ABCA4: variants seen among roughly 807,000 people sequenced by gnomAD.
ABCA4 encodes the protein ATP binding cassette subfamily A member 4, also known as retinal-specific phospholipid-transporting ATPase ABCA4.
ABCA4 carries 196 observed loss-of-function variants against 263.7 expected under a neutral mutation model. That is an observed-to-expected ratio of 0.74 (90% confidence interval 0.66 to 0.84). ABCA4 has a LOEUF of 0.84. Among genes scored for constraint, ABCA4 ranks in the 40% least tolerant of loss-of-function variants. The pLI is 0.00. For missense variants in ABCA4, 2,792 were observed against 2,855.1 expected (o/e 0.98, Z 0.50); for synonymous variants, 1,133 against 1,094.2 (o/e 1.04, Z -0.70).
In ABCA4 at chr1:94,019,806, A is replaced by G. The variant is rs762470415; in HGVS notation, c.5019-47T>C. 1.3e-5 allele frequency: 20 copies of G among 1,577,538 alleles called. No homozygotes were observed. The South Asian group carries it at 2.3e-4, about 18-fold the overall frequency. ...AGGGAGAGGGCGATGAAGAGGGAAG[A>G]GCAGAAGGAGGAGAAGATACAAAGT... On this transcript the variant is annotated intron_variant, in intron 35 of 49. Coordinates refer to ENST00000370225, the MANE Select transcript of ABCA4 (RefSeq NM_000350.3).
Position 94,037,343 on chromosome 1 carries a change from T to C in ABCA4, c.3615A>G (p.Val1205=). Residue 1205 remains valine, a synonymous_variant, in exon 25 of 50, where the codon GTA becomes GTG. Coordinates refer to ENST00000370225, the MANE Select transcript of ABCA4 (RefSeq NM_000350.3). ...LTPEQVLDGD[V]NELMDVVLHH... Reference sequence around the variant, plus strand: ...GGAGAACTACATCCATCAGCTCATTTACATCCCCTAGGACAAGAAAAAAGA... The same window carrying C: ...GGAGAACTACATCCATCAGCTCATTCACATCCCCTAGGACAAGAAAAAAGA... 1 of 1,614,138 alleles carries C rather than the reference T, an allele frequency of 6.2e-7. No homozygotes were observed. The highest frequency in any genetic ancestry group is 8.5e-7 in the Non-Finnish European group (1 of 1,180,032).
At chr1:94,072,986 G>C (rs765052823) in intron 11 of ABCA4, among the ~76,000 whole-genome samples, 1 of 152,062 alleles carries the variant, frequency 6.6e-6, no homozygotes, top group Admixed American at 6.5e-5. Flanking sequence ...TCCTGGGAGG[G>C]GCCTGTACTC....
At chr1:94,019,536 C>A in intron 36 of ABCA4, 46 bp downstream of exon 36, 1 of 1,552,716 alleles carries the variant, frequency 6.4e-7, no homozygotes, top group South Asian at 1.2e-5. Context: ...ACAAGCTCCA[C>A]CTTGGGCCCA....
Position 93,998,123 on chromosome 1 carries a change from CACAGTGCAGG to C in ABCA4, c.6480-23_6480-14del. On this transcript the variant is annotated splice_polypyrimidine_tract_variant and intron_variant, in intron 47 of 49. Coordinates refer to ENST00000370225, the MANE Select transcript of ABCA4 (RefSeq NM_000350.3). ...GCCATCTCCAAATCTAGGGGATGCA[CACAGTGCAGG>C]ACAGGCCTCTGTTAGTGGTTGGGCC... 6.2e-7 allele frequency: 1 copy of C among 1,614,098 alleles called. No homozygotes were observed. Among genetic ancestry groups the C allele is most frequent in the African/African-American group, 1.3e-5 (1 of 75,050 alleles).
chr1:94,042,621 C>T lies in ABCA4; in HGVS notation c.3328+140G>A, dbSNP rs1172401446. 4 of 1,209,612 alleles carry T rather than the reference C, an allele frequency of 3.3e-6. No homozygotes were observed. The East Asian group carries it at 1.0e-4, about 30-fold the overall frequency. The allele number at this position is 1,209,612 out of a possible 1,614,324, so 74.9% of individuals were successfully genotyped here. A position where few individuals can be genotyped will look rare whatever the true frequency, so the allele number is the denominator to read the frequency against. ...AGGCTTTAGCTGGAACTTAGATTCA[C>T]CAAGTCACTGATAAACCCCCTTCTG... On this transcript the variant is annotated intron_variant, in intron 22 of 49. Transcript: ENST00000370225.
At chr1:94,002,215 G>C (rs1391999994) in intron 44 of ABCA4, among the ~76,000 whole-genome samples, 1 of 152,184 alleles carries the variant, frequency 6.6e-6, no homozygotes, top group Admixed American at 6.5e-5. Context: ...AGCCTGCTCA[G>C]CATCTGTTGG....
At chr1:94,077,163 A>G (rs1278017872) in intron 11 of ABCA4, among the ~76,000 whole-genome samples, 2 of 152,234 alleles carry the variant, frequency 1.3e-5, no homozygotes, top group African/African-American at 4.8e-5. Context: ...GAAGAAGGAA[A>G]ATTAGGGATG....
intron 19 of ABCA4, chr1:94,046,028 A>C: frequency 2.2e-6 from 1 of 445,538 alleles, no homozygotes; most frequent in South Asian, 1.6e-5. Context: ...CCAGGCGGTT[A>C]CTCCACAAGC....
intron 6 of ABCA4, among the ~76,000 whole-genome samples, chr1:94,098,163 G>T (rs1231645441): frequency 6.6e-6 from 1 of 152,126 alleles, no homozygotes; most frequent in Admixed American, 6.5e-5. Flanking sequence ...GATATTTTCA[G>T]GTCCCAAGCA....
At chr1:94,018,015 G>A (rs943546756) in intron 36 of ABCA4, among the ~76,000 whole-genome samples, 12 of 152,160 alleles carry the variant, frequency 7.9e-5, no homozygotes, top group African/African-American at 2.9e-4. Flanking sequence ...GATCGCGGAG[G>A]TGAGATTCCA....
At chr1:94,107,147 T>C (rs1007224066) in intron 4 of ABCA4, among the ~76,000 whole-genome samples, 1 of 152,210 alleles carries the variant, frequency 6.6e-6, no homozygotes, top group African/African-American at 2.4e-5. Context: ...CCCATTCCCC[T>C]GGTAGACCCC....
At chr1:94,036,601 TC>T in intron 26 of ABCA4, 138 bp downstream of exon 26, 1 of 880,648 alleles carries the variant, frequency 1.1e-6, no homozygotes, top group Non-Finnish European at 1.9e-6. Context: ...GGTCTCGAAC[TC>T]AGGTGGTCCA....
chr1:94,109,957 C>T (rs1662558041), intron 3 of ABCA4, among the ~76,000 whole-genome samples: 1 of 152,136 alleles, frequency 6.6e-6, no homozygotes. Context: ...CTCCAACTCC[C>T]ACCCCTCAGT....
At chr1:94,035,322 T>G (rs1323499473) in intron 26 of ABCA4, among the ~76,000 whole-genome samples, 1 of 152,228 alleles carries the variant, frequency 6.6e-6, no homozygotes, top group Non-Finnish European at 1.5e-5. Flanking sequence ...TCAATTTCTG[T>G]GTCAGCAGAG....
intron 6 of ABCA4, among the ~76,000 whole-genome samples, chr1:94,088,281 A>C (rs912257167): frequency 6.6e-6 from 1 of 151,998 alleles, no homozygotes; most frequent in African/African-American, 2.4e-5. Context: ...TTGCTTTGCT[A>C]CTTCTCTGCC....
chr1:94,077,412 T>C (rs1661564903), intron 11 of ABCA4, among the ~76,000 whole-genome samples: 2 of 151,850 alleles, frequency 1.3e-5, no homozygotes, highest in South Asian at 4.2e-4. Flanking sequence ...CAGAAGAGGG[T>C]TGAGGACAGA....
At chr1:94,105,850 C>T (rs568098474) in intron 4 of ABCA4, among the ~76,000 whole-genome samples, 2 of 152,288 alleles carry the variant, frequency 1.3e-5, no homozygotes, top group South Asian at 2.1e-4. Flanking sequence ...GGTCAACCAG[C>T]GGCATACCTT....
In ABCA4 at chr1:94,113,089, G is replaced by A. The variant is rs1230982635; in HGVS notation, c.67-23C>T. On this transcript the variant is annotated intron_variant, in intron 1 of 49. Coordinates refer to ENST00000370225, the MANE Select transcript of ABCA4 (RefSeq NM_000350.3). ...AATCTGGAAAAACAAAACAAAAAGAGAGAAAGTTCAGTGGTGCTAAGAGAT... is the reference window on the plus strand; with the variant it reads ...AATCTGGAAAAACAAAACAAAAAGAAAGAAAGTTCAGTGGTGCTAAGAGAT... The A allele has an allele frequency of 1.9e-6, 3 of 1,607,944 alleles. No individual in the cohort carries two copies. In the African/African-American group the frequency reaches 4.0e-5, roughly 22 times the overall value.
At chr1:94,056,323 CTT>C (rs1172417469) in intron 15 of ABCA4, among the ~76,000 whole-genome samples, 1 of 152,214 alleles carries the variant, frequency 6.6e-6, no homozygotes, top group Non-Finnish European at 1.5e-5. Flanking sequence ...CTGGCTCTCT[CTT>C]GTGAGTAAAT....
Sources: gnomAD v4.1 joint callset for allele counts (sites outside exome capture counted in the v4.1 genomes callset) on GRCh38, gnomAD v4.1.1 for gene constraint, MANE v1.5 for transcripts, NCBI Gene and HGNC (gene_info 2026-07-23, HGNC 2026-07-21) for gene names.